The following SRP19 variants were observed in gnomAD, a reference collection of about 807,000 sequenced individuals.
The protein encoded by SRP19 is signal recognition particle 19 kDa protein.
SRP19 carries 11 observed loss-of-function variants against 22.4 expected under a neutral mutation model. The ratio of observed to expected loss-of-function variants is 0.49; its 90% confidence interval spans 0.31 to 0.81. The LOEUF (loss-of-function observed/expected upper bound fraction) is 0.81, where lower values mean the gene tolerates loss of function less well. SRP19 is among the 40% of genes least tolerant of loss of function. The pLI is 0.05. For synonymous variants in SRP19, 61 were observed against 57.6 expected, an observed-to-expected ratio of 1.06 and a Z score of -0.27; for missense variants, 168 against 175.9, an observed-to-expected ratio of 0.96 and a Z score of 0.25.
chr5:112,864,311 A>G, intron 2 of SRP19, 146 bp from the exon 3 acceptor site: 1 of 653,514 alleles, frequency 1.5e-6, no homozygotes, highest in Non-Finnish European at 2.6e-6. Flanking sequence ...TTTTAAAATT[A>G]CAATAGAAGC....
chr5:112,872,178 CA>C (rs1767774298), downstream of SRP19, among the ~76,000 whole-genome samples: 4 of 152,194 alleles, frequency 2.6e-5, no homozygotes, highest in Admixed American at 2.6e-4. Context: ...ATTCTGTTCA[CA>C]GCTCAGCCGT....
chr5:112,878,398 G>A (rs1432532206), intron 4 of SRP19: 1 of 184,230 alleles, frequency 5.4e-6, no homozygotes, highest in East Asian at 1.4e-4. Flanking sequence ...GTACATTACA[G>A]GAAGTAGAAC....
downstream of SRP19, chr5:112,897,742 A>G (rs1768733876): frequency 6.6e-6 from 1 of 152,066 alleles, no homozygotes; most frequent in African/African-American, 2.4e-5. Context: ...AACAATATTA[A>G]CTCTGCAAAA....
In SRP19 at chr5:112,867,614, C is replaced by A. The variant is rs1767649820; in HGVS notation, c.*77C>A. ...ACTTCTAATTTGTATCGGAGGGAAA[C>A]AGAAGCTTTTTGTTTGCATCATTTA... On this transcript the variant is annotated 3_prime_UTR_variant, in exon 5 of 5. Coordinates refer to ENST00000505459, the MANE Select transcript of SRP19 (RefSeq NM_003135.3). 24 of 1,423,286 alleles carry A rather than the reference C, an allele frequency of 1.7e-5. No individual in the cohort carries two copies. Among genetic ancestry groups the A allele is most frequent in the Non-Finnish European group, 2.2e-5 (24 of 1,083,638 alleles). The allele number at this position is 1,423,286 out of a possible 1,614,324, so 88.2% of individuals were successfully genotyped here.
At chr5:112,863,268 A>G (rs1437547733) in intron 2 of SRP19, among the ~76,000 whole-genome samples, 2 of 152,144 alleles carry the variant, frequency 1.3e-5, no homozygotes, top group Non-Finnish European at 2.9e-5. Flanking sequence ...ATTACACACT[A>G]TGTAATTTTG....
rs557376270 is a variant in SRP19 at position 112,890,855 on chromosome 5, G to C, written c.302-748G>C. ...CAAGTTACTTAATCACTTAAGTCTG[G>C]TTTTTCCTCTATAAAATAGGTATTA... On this transcript the variant is annotated intron_variant, in intron 4 of 4. Coordinates refer to the SRP19 transcript ENST00000391338. Among the ~76,000 whole-genome samples, 34 of 150,584 alleles carry C rather than the reference G, an allele frequency of 2.3e-4. 5 individuals carry two copies. In the East Asian group the frequency reaches 6.9e-3, roughly 30 times the overall value.
At chr5:112,889,545 T>C (rs1768367554) in intron 4 of SRP19, among the ~76,000 whole-genome samples, 2 of 150,832 alleles carry the variant, frequency 1.3e-5, no homozygotes, top group African/African-American at 4.9e-5. Context: ...ACTTTGCATA[T>C]GTTTGCAATA....
chr5:112,862,346 C>T (rs1767433549), intron 1 of SRP19, 162 bp from the exon 2 acceptor site: 2 of 694,630 alleles, frequency 2.9e-6, no homozygotes, highest in Admixed American at 2.4e-5. Context: ...CTCCGAGGTA[C>T]TTTGATTTTT....
intron 4 of SRP19, among the ~76,000 whole-genome samples, chr5:112,879,180 T>G (rs74355398): frequency 0.021 from 3,182 of 152,254 alleles, 105 homozygotes; most frequent in African/African-American, 0.073. Flanking sequence ...TCTATTTGTA[T>G]CTGTGTGCTT....
At chr5:112,892,057 G>C (rs751536325) in exon 5 of SRP19, 1 of 1,535,192 alleles carries the variant, frequency 6.5e-7, no homozygotes, top group Non-Finnish European at 9.0e-7. Context: ...AAAAGAGGAA[G>C]CTGTGCAGAA....
chr5:112,867,163 A>G (rs1767632677), intron 4 of SRP19, among the ~76,000 whole-genome samples: 1 of 152,150 alleles, frequency 6.6e-6, no homozygotes, highest in South Asian at 2.1e-4. Context: ...TTTGTTTCAT[A>G]CTTAGTGTTT....
intron 4 of SRP19, among the ~76,000 whole-genome samples, chr5:112,874,848 T>C (rs1359265695): frequency 2.0e-5 from 3 of 151,482 alleles, no homozygotes; most frequent in African/African-American, 7.3e-5. Flanking sequence ...TGATCTCGGC[T>C]CACTGCAACC....
intron 1 of SRP19, 182 bp from the exon 2 acceptor site, chr5:112,862,326 G>A (rs775595056): frequency 4.6e-6 from 3 of 655,532 alleles, no homozygotes; most frequent in Admixed American, 5.2e-5. Context: ...TTAGTTGCTC[G>A]AGGGGACCAC....
At chr5:112,884,707 T>C (rs1768181403) in intron 4 of SRP19, among the ~76,000 whole-genome samples, 1 of 152,064 alleles carries the variant, frequency 6.6e-6, no homozygotes, top group Non-Finnish European at 1.5e-5. Flanking sequence ...TTGAGTCTGA[T>C]TCAGTAGAGC....
At chr5:112,896,363 A>C (rs1768680469), downstream of SRP19, 1 of 152,006 alleles carries the variant, frequency 6.6e-6, no homozygotes. Context: ...ATCTCTACTA[A>C]AAATACAAAA....
rs930031980 is a variant in SRP19 at position 112,861,337 on chromosome 5, T to C, written c.-40T>C. On this transcript the variant is annotated 5_prime_UTR_variant, in exon 1 of 5. Coordinates refer to ENST00000505459, the MANE Select transcript of SRP19 (RefSeq NM_003135.3). ...GGTTCCTCCCGGGTTTCTGCCGGGTTTCTCCCTGCGGCTCCTGGGTTGTTG... is the reference window on the plus strand; with the variant it reads ...GGTTCCTCCCGGGTTTCTGCCGGGTCTCTCCCTGCGGCTCCTGGGTTGTTG... The C allele has an allele frequency of 1.9e-6, 3 of 1,613,610 alleles. No individual in the cohort carries two copies. The highest frequency in any genetic ancestry group is 2.5e-6 in the Non-Finnish European group (3 of 1,179,706).
intron 4 of SRP19, among the ~76,000 whole-genome samples, chr5:112,888,115 T>C (rs1285928436): frequency 1.3e-5 from 2 of 152,172 alleles, no homozygotes; most frequent in East Asian, 3.8e-4. Context: ...CAAATCAGTA[T>C]TTTTTACAAC....
intron 2 of SRP19, 160 bp from the exon 3 acceptor site, chr5:112,864,297 G>A: frequency 1.6e-6 from 1 of 623,944 alleles, no homozygotes; most frequent in East Asian, 2.8e-5. Flanking sequence ...TTATTCCTAG[G>A]AATTTTTAAA....
intron 4 of SRP19, among the ~76,000 whole-genome samples, chr5:112,866,005 T>G (rs1168077775): frequency 6.6e-6 from 1 of 152,184 alleles, no homozygotes; most frequent in African/African-American, 2.4e-5. Context: ...TACAGGCGTT[T>G]GCCACCATGC....
Sources: allele counts gnomAD v4.1 joint callset (sites outside exome capture counted in the v4.1 genomes callset), GRCh38; gene constraint gnomAD v4.1.1; transcripts MANE v1.5; gene names NCBI Gene and HGNC (gene_info 2026-07-23, HGNC 2026-07-21).